NRG3: variants seen among roughly 807,000 people sequenced by gnomAD.
NRG3 encodes the protein pro-neuregulin-3, membrane-bound isoform.
Under a neutral mutation model 66.9 loss-of-function variants are expected in NRG3, and 31 were observed. That is an observed-to-expected ratio of 0.46 (90% CI 0.35 to 0.63). NRG3 has a LOEUF of 0.63. Ranked by LOEUF, NRG3 falls within the 20% of genes least tolerant of loss-of-function variation. NRG3 has a pLI of 0.00. For missense variants in NRG3, 910 were observed against 878.9 expected, an observed-to-expected ratio of 1.04 and a Z score of -0.45; for synonymous variants, 393 against 359.4, an observed-to-expected ratio of 1.09 and a Z score of -1.06.
intron 1 of NRG3, among the ~76,000 whole-genome samples, chr10:81,912,779 A>G (rs866437687): frequency 6.6e-6 from 1 of 152,204 alleles, no homozygotes; most frequent in African/African-American, 2.4e-5. Flanking sequence ...AGCTTGGCTC[A>G]CTCATGCATC....
chr10:82,065,722 G>A (rs2064417310), intron 1 of NRG3, among the ~76,000 whole-genome samples: 1 of 152,130 alleles, frequency 6.6e-6, no homozygotes, highest in Non-Finnish European at 1.5e-5. Flanking sequence ...GTCTCTAGAT[G>A]GACCCTTGCA....
chr10:82,837,078 T>A (rs2062818782), intron 3 of NRG3, among the ~76,000 whole-genome samples: 1 of 152,198 alleles, frequency 6.6e-6, no homozygotes, highest in Non-Finnish European at 1.5e-5. Context: ...GAACTCATCA[T>A]TTTTTATGGC....
At chr10:82,969,963 A>T (rs1050010160) in intron 6 of NRG3, among the ~76,000 whole-genome samples, 5 of 152,156 alleles carry the variant, frequency 3.3e-5, no homozygotes, top group African/African-American at 1.2e-4. Flanking sequence ...TATTTACACA[A>T]ATGGATTTAT....
chr10:82,517,937 C>T (rs1469239210), intron 2 of NRG3, among the ~76,000 whole-genome samples: 2 of 152,170 alleles, frequency 1.3e-5, no homozygotes. Context: ...GACTTACATC[C>T]TGACAACTTT....
At chr10:82,104,359 G>C (rs1328783671) in intron 1 of NRG3, among the ~76,000 whole-genome samples, 1 of 151,864 alleles carries the variant, frequency 6.6e-6, no homozygotes, top group Non-Finnish European at 1.5e-5. Flanking sequence ...TATTTCAACA[G>C]ATTGTTCTTA....
chr10:82,082,356 C>A (rs1206703372), intron 1 of NRG3, among the ~76,000 whole-genome samples: 1 of 152,170 alleles, frequency 6.6e-6, no homozygotes, highest in East Asian at 1.9e-4. Context: ...TAAAGGACTT[C>A]TAGTTCAAAC....
At chr10:82,377,439 T>C (rs564365532) in intron 2 of NRG3, among the ~76,000 whole-genome samples, 5 of 118,580 alleles carry the variant, frequency 4.2e-5, no homozygotes, top group East Asian at 2.9e-4. Context: ...TGTGCGCGTG[T>C]GTGTGTGTGT....
chr10:82,003,939 G>A (rs2061272475), intron 1 of NRG3, among the ~76,000 whole-genome samples: 1 of 151,304 alleles, frequency 6.6e-6, no homozygotes. Context: ...GATCGCTTGA[G>A]CCCAGGAGTT....
At chr10:82,658,561 G>A (rs1324439824) in intron 2 of NRG3, among the ~76,000 whole-genome samples, 8 of 148,230 alleles carry the variant, frequency 5.4e-5, no homozygotes, top group Non-Finnish European at 6.0e-5. Flanking sequence ...AAAAAAGCCA[G>A]AAAAAAAAAA....
chr10:81,879,426 G>T (rs932556943), intron 1 of NRG3, among the ~76,000 whole-genome samples: 4 of 152,148 alleles, frequency 2.6e-5, no homozygotes, highest in Admixed American at 6.5e-5. Flanking sequence ...AAATATAGTT[G>T]TACAATGCTG....
At chr10:82,575,184 A>G (rs1240961521) in intron 2 of NRG3, among the ~76,000 whole-genome samples, 1 of 151,770 alleles carries the variant, frequency 6.6e-6, no homozygotes, top group African/African-American at 2.4e-5. Flanking sequence ...AGAAATATAT[A>G]CATTTTTCAT....
chr10:82,637,354 C>T (rs981876188), intron 2 of NRG3, among the ~76,000 whole-genome samples: 1 of 152,040 alleles, frequency 6.6e-6, no homozygotes, highest in Non-Finnish European at 1.5e-5. Flanking sequence ...TATAAATAAA[C>T]CAATGAATAA....
intron 1 of NRG3, among the ~76,000 whole-genome samples, chr10:82,165,328 A>G (rs1486392506): frequency 3.3e-5 from 5 of 152,100 alleles, no homozygotes; most frequent in African/African-American, 1.2e-4. Context: ...ATGGATGCTC[A>G]ATAATTATTT....
intron 2 of NRG3, among the ~76,000 whole-genome samples, chr10:82,420,621 A>C (rs1232796600): frequency 1.3e-5 from 2 of 152,158 alleles, no homozygotes; most frequent in East Asian, 3.9e-4. Flanking sequence ...TGGCTGTTTA[A>C]TACACAGTTA....
intron 1 of NRG3, among the ~76,000 whole-genome samples, chr10:82,297,751 A>G (rs1252589072): frequency 3.9e-5 from 6 of 152,158 alleles, no homozygotes; most frequent in Non-Finnish European, 7.4e-5. Context: ...ATACATATGT[A>G]TATAAGGCAT....
At chr10:82,487,633 G>T (rs915085836) in intron 2 of NRG3, among the ~76,000 whole-genome samples, 3 of 152,112 alleles carry the variant, frequency 2.0e-5, no homozygotes, top group Non-Finnish European at 4.4e-5. Flanking sequence ...ATTTAGAAAT[G>T]ACCAAGACTA....
At chr10:82,865,122 T>C (rs922760651) in intron 3 of NRG3, among the ~76,000 whole-genome samples, 3 of 152,232 alleles carry the variant, frequency 2.0e-5, no homozygotes, top group Non-Finnish European at 4.4e-5. Context: ...TCTTTTTCTT[T>C]CTTAGCTAAA....
At chr10:82,824,006 A>C (rs1390536131) in intron 3 of NRG3, among the ~76,000 whole-genome samples, 1 of 151,998 alleles carries the variant, frequency 6.6e-6, no homozygotes, top group Non-Finnish European at 1.5e-5. Flanking sequence ...AGCAACAAAA[A>C]TCCATACTCA....
intron 1 of NRG3, among the ~76,000 whole-genome samples, chr10:82,101,475 T>C (rs2066717543): frequency 6.6e-6 from 1 of 151,884 alleles, no homozygotes; most frequent in Non-Finnish European, 1.5e-5. Context: ...GACTCAATGC[T>C]GTAAATTTTC....
Sources: gnomAD v4.1 joint callset for allele counts (sites outside exome capture counted in the v4.1 genomes callset) on GRCh38, gnomAD v4.1.1 for gene constraint, MANE v1.5 for transcripts, NCBI Gene and HGNC (gene_info 2026-07-23, HGNC 2026-07-21) for gene names.